DYM: variants seen among roughly 807,000 people sequenced by gnomAD.
DYM encodes the protein dyggve-Melchior-Clausen syndrome protein.
Under a neutral mutation model 93.1 loss-of-function variants are expected in DYM, and 78 were observed. The observed-to-expected ratio is 0.84, with a 90% confidence interval of 0.70 to 1.01. The LOEUF is 1.01. Ranked by LOEUF, DYM falls within the 50% of genes least tolerant of loss-of-function variation. The pLI is 0.00. For missense variants in DYM, 789 were observed against 845.0 expected (o/e 0.93, Z 0.82); for synonymous variants, 321 against 319.7 (o/e 1.00, Z -0.04).
chr18:49,214,979 T>C (rs2092960443), intron 13 of DYM, among the ~76,000 whole-genome samples: 1 of 152,208 alleles, frequency 6.6e-6, no homozygotes, highest in South Asian at 2.1e-4. Context: ...CTAACATCCC[T>C]TGTGAGATGT....
At position 49,348,291 on chromosome 18, in the gene DYM, A is replaced by G. The variant is rs1214669690; in HGVS notation, c.495-14438T>C. 1.5e-4 allele frequency among the ~76,000 whole-genome samples: 23 copies of G among 152,234 alleles called. 1 individual carries two copies. The highest frequency in any genetic ancestry group is 1.4e-3 in the Admixed American group (21 of 15,290). ...TTTAGAAATATCAATGCATGCCAAC[A>G]TGGAGATTCTAGGAGTCAAATATGG... On this transcript the variant is annotated intron_variant, in intron 6 of 17. Coordinates refer to ENST00000675505, the MANE Select transcript of DYM (RefSeq NM_001353214.3).
intron 13 of DYM, among the ~76,000 whole-genome samples, chr18:49,249,875 T>A (rs1424732970): frequency 6.6e-6 from 1 of 152,248 alleles, no homozygotes; most frequent in Non-Finnish European, 1.5e-5. Context: ...GTTCTTAAAT[T>A]GCATGATTAA....
At chr18:49,198,883 T>G (rs1354027782) in intron 14 of DYM, among the ~76,000 whole-genome samples, 1 of 151,722 alleles carries the variant, frequency 6.6e-6, no homozygotes, top group African/African-American at 2.4e-5. Context: ...ACTGGGTATA[T>G]ACCCAAAGGA....
intron 1 of DYM, among the ~76,000 whole-genome samples, chr18:49,447,060 C>CAA (rs59079856): frequency 0.1 from 9,983 of 98,266 alleles, 560 homozygotes; most frequent in East Asian, 0.34. Context: ...GACTCCATCA[C>CAA]AAAAAAAAAA....
intron 6 of DYM, among the ~76,000 whole-genome samples, chr18:49,358,471 A>C (rs781325905): frequency 1.3e-5 from 2 of 152,246 alleles, no homozygotes; most frequent in Non-Finnish European, 2.9e-5. Flanking sequence ...GTCACAGTAC[A>C]CAAATAGATA....
intron 16 of DYM, among the ~76,000 whole-genome samples, chr18:49,107,265 TTAAG>T (rs2080923596): frequency 6.6e-6 from 1 of 152,236 alleles, no homozygotes; most frequent in Admixed American, 6.5e-5. Context: ...ATTAGGTCCT[TTAAG>T]GACTTCTGTG....
At chr18:49,232,603 CTTTTTTTTTTTTTTTT>C (rs777802663) in intron 13 of DYM, among the ~76,000 whole-genome samples, 1 of 94,374 alleles carries the variant, frequency 1.1e-5, no homozygotes, top group Non-Finnish European at 2.2e-5. Flanking sequence ...TGCCCGGCCT[CTTTTTTTTTTTTTTTT>C]TTTTTTTTGG....
chr18:49,099,016 T>G (rs1382999024), intron 16 of DYM, among the ~76,000 whole-genome samples: 1 of 152,160 alleles, frequency 6.6e-6, no homozygotes, highest in Non-Finnish European at 1.5e-5. Context: ...AATGCCAATT[T>G]TGTTGGTAAA....
intron 17 of DYM, among the ~76,000 whole-genome samples, chr18:49,082,688 CAT>C (rs1329959882): frequency 5.9e-5 from 9 of 152,144 alleles, no homozygotes; most frequent in Non-Finnish European, 1.5e-5. Flanking sequence ...CTTTTGGAAA[CAT>C]GGGTAGAATT....
intron 16 of DYM, among the ~76,000 whole-genome samples, chr18:49,115,761 ACAGTG>A (rs1478391148): frequency 6.6e-6 from 1 of 152,254 alleles, no homozygotes; most frequent in Non-Finnish European, 1.5e-5. Flanking sequence ...TTTTAATATT[ACAGTG>A]CCCATTCTTG....
intron 8 of DYM, among the ~76,000 whole-genome samples, chr18:49,287,963 T>C (rs140164457): frequency 8.4e-4 from 128 of 152,154 alleles, no homozygotes; most frequent in African/African-American, 2.9e-3. Flanking sequence ...CACATGAAAA[T>C]TTGAAGACTT....
At chr18:49,092,181 T>C (rs186893601) in intron 17 of DYM, among the ~76,000 whole-genome samples, 15 of 152,338 alleles carry the variant, frequency 9.8e-5, no homozygotes, top group African/African-American at 3.6e-4. Flanking sequence ...TACTGTACCA[T>C]TAAATAATAC....
chr18:49,309,018 C>T lies in DYM; in HGVS notation c.764-22402G>A, dbSNP rs114225644. 4.4e-3 allele frequency among the ~76,000 whole-genome samples: 673 copies of T among 151,756 alleles called. 4 individuals are homozygous for T. Among genetic ancestry groups the T allele is most frequent in the African/African-American group, 0.012 (498 of 41,502 alleles). ...TAATGGCATAGAAAACACACCACAA[C>T]GGTACATAAACAAGATAGGATTTTA... On this transcript the variant is annotated intron_variant, in intron 8 of 17. Transcript: ENST00000675505.
At chr18:49,451,951 C>A (rs144278489) in intron 1 of DYM, among the ~76,000 whole-genome samples, 21 of 152,142 alleles carry the variant, frequency 1.4e-4, no homozygotes, top group Non-Finnish European at 2.2e-4. Context: ...AATCTGGATA[C>A]CTTGGCAAAT....
At chr18:49,048,393 C>A (rs1599340135) in intron 17 of DYM, 1 of 152,058 alleles carries the variant, frequency 6.6e-6, no homozygotes, top group African/African-American at 2.4e-5. Context: ...GGAATAATAA[C>A]ATCTTACATT....
chr18:49,211,219 A>C (rs2092768153), intron 13 of DYM, among the ~76,000 whole-genome samples: 1 of 152,234 alleles, frequency 6.6e-6, no homozygotes, highest in Non-Finnish European at 1.5e-5. Flanking sequence ...CGAACAACAT[A>C]GTAAAAAATT....
chr18:49,223,558 G>A (rs1021364558), intron 13 of DYM, among the ~76,000 whole-genome samples: 6 of 152,010 alleles, frequency 3.9e-5, no homozygotes, highest in Non-Finnish European at 8.8e-5. Context: ...ATGTGAATAT[G>A]GGTTTTGAAT....
rs1171408257 is a variant in DYM at position 49,317,596 on chromosome 18, TCCCCCCTCCC to T, written c.763+14258_763+14267del. Among the ~76,000 whole-genome samples, 15 of 31,144 alleles carry T rather than the reference TCCCCCCTCCC, an allele frequency of 4.8e-4. 1 individual carries two copies. The highest frequency in any genetic ancestry group is 9.4e-4 in the African/African-American group (6 of 6,372). 20.4% of individuals were successfully genotyped at this position (31,144 alleles called of 152,430 possible). On this transcript the variant is annotated intron_variant, in intron 8 of 17. Transcript: ENST00000675505. ...CTCTCTCTCTCTCTCTCTCTCTCTC[TCCCCCCTCCC>T]CCCTCCCTCCCTCCCTCCCTCCCTC...
chr18:49,341,261 C>T (rs1429558231), intron 6 of DYM, among the ~76,000 whole-genome samples: 2 of 152,104 alleles, frequency 1.3e-5, no homozygotes, highest in African/African-American at 2.4e-5. Context: ...GAGGCCGAGG[C>T]GGGTGGATCA....
Sources: gnomAD v4.1 joint callset for allele counts (sites outside exome capture counted in the v4.1 genomes callset) on GRCh38, gnomAD v4.1.1 for gene constraint, MANE v1.5 for transcripts, NCBI Gene and HGNC (gene_info 2026-07-23, HGNC 2026-07-21) for gene names.